Variants in RGS6 observed in about 807,000 individuals in gnomAD.
RGS6 encodes regulator of G-protein signaling 6.
RGS6 carries 30 observed loss-of-function variants against 78.5 expected under a neutral mutation model. The ratio of observed to expected loss-of-function variants is 0.38; its 90% CI spans 0.29 to 0.52. The LOEUF (loss-of-function observed/expected upper bound fraction) is 0.52, where lower values mean the gene tolerates loss of function less well. RGS6 is among the 20% of genes least tolerant of loss of function. The pLI, the probability that RGS6 is intolerant of heterozygous loss-of-function variation, is 0.85. For missense variants in RGS6, 495 were observed against 609.7 expected (o/e 0.81, Z 1.98); for synonymous variants, 206 against 206.0 (o/e 1.00, Z 0.00).
At chr14:72,356,021 T>C (rs1269148618) in intron 3 of RGS6, among the ~76,000 whole-genome samples, 1 of 152,202 alleles carries the variant, frequency 6.6e-6, no homozygotes, top group Non-Finnish European at 1.5e-5. Flanking sequence ...TGGCCTGACA[T>C]GCTCTGACTT....
chr14:72,506,304 A>C (rs1431414249), intron 13 of RGS6, among the ~76,000 whole-genome samples: 1 of 152,256 alleles, frequency 6.6e-6, no homozygotes, highest in Non-Finnish European at 1.5e-5. Context: ...CTACTAGAGA[A>C]TATGTCCCAA....
chr14:72,196,866 G>C (rs1322162112), intron 2 of RGS6, among the ~76,000 whole-genome samples: 2 of 152,220 alleles, frequency 1.3e-5, no homozygotes, highest in East Asian at 3.9e-4. Context: ...TTCATGCTAA[G>C]TGTTGATGGG....
chr14:72,430,905 T>C (rs1222134627), intron 3 of RGS6, among the ~76,000 whole-genome samples: 3 of 152,180 alleles, frequency 2.0e-5, no homozygotes, highest in African/African-American at 4.8e-5. Flanking sequence ...TATTATTTAA[T>C]CCAGGAAACA....
chr14:71,985,185 G>GCAGTGGCA (rs1279184780), intron 2 of RGS6, among the ~76,000 whole-genome samples: 2 of 151,664 alleles, frequency 1.3e-5, no homozygotes, highest in Non-Finnish European at 2.9e-5. Flanking sequence ...GTGCAGTGGT[G>GCAGTGGCA]TGATCTCGGC....
At chr14:72,361,276 T>C (rs910079518) in intron 3 of RGS6, among the ~76,000 whole-genome samples, 1 of 152,266 alleles carries the variant, frequency 6.6e-6, no homozygotes, top group Admixed American at 6.5e-5. Context: ...ACTTAATTGA[T>C]GTTATAGCAA....
the RGS6 span, chr14:72,594,642 G>C: frequency 2.0e-5 from 3 of 152,096 alleles, no homozygotes; most frequent in Non-Finnish European, 2.9e-5. Context: ...TCTTTCACTG[G>C]CTGTGCGAAG....
intron 3 of RGS6, among the ~76,000 whole-genome samples, chr14:72,424,029 C>T (rs2094326587): frequency 6.6e-6 from 1 of 152,178 alleles, no homozygotes; most frequent in South Asian, 2.1e-4. Context: ...GGTGGCATTT[C>T]CTCAGAGGAT....
intron 3 of RGS6, among the ~76,000 whole-genome samples, chr14:72,381,684 A>G (rs1416959491): frequency 2.6e-5 from 4 of 152,146 alleles, no homozygotes; most frequent in Admixed American, 1.3e-4. Flanking sequence ...TCTACAAAAT[A>G]TATTTTAGGA....
intron 2 of RGS6, among the ~76,000 whole-genome samples, chr14:72,305,312 A>G (rs1034707090): frequency 1.3e-5 from 2 of 152,180 alleles, no homozygotes; most frequent in African/African-American, 4.8e-5. Context: ...TTGGGGTTAC[A>G]TATAGATGCA....
At chr14:72,118,158 T>A (rs961408770) in intron 2 of RGS6, among the ~76,000 whole-genome samples, 5 of 146,650 alleles carry the variant, frequency 3.4e-5, no homozygotes, top group East Asian at 2.0e-4. Context: ...CACTGCCATT[T>A]AAAAAAAAAA....
At position 72,175,323 on chromosome 14, in the gene RGS6, C is replaced by G. The variant is rs865965534; in HGVS notation, c.85-176772C>G. Among the ~76,000 whole-genome samples, 3 of 152,290 alleles carry G rather than the reference C, an allele frequency of 2.0e-5. No homozygotes were observed. The Middle Eastern group carries it at 0.01, about 518-fold the overall frequency. ...ATAAGTCAGCAGAGGATACTTTCAG[C>G]ATACTGTGACTTTTAGAATGTTCAG... is the stretch of plus-strand genomic sequence containing the variant. On this transcript the variant is annotated intron_variant, in intron 2 of 17. Transcript: ENST00000553525.
intron 2 of RGS6, among the ~76,000 whole-genome samples, chr14:72,308,744 C>T (rs1337742251): frequency 6.6e-6 from 1 of 152,130 alleles, no homozygotes; most frequent in Non-Finnish European, 1.5e-5. Flanking sequence ...TACATGTATT[C>T]CTATTTGGCA....
chr14:72,616,157 C>T, the RGS6 span, among the ~76,000 whole-genome samples: 1 of 152,186 alleles, frequency 6.6e-6, no homozygotes. Context: ...GCCATGTTTC[C>T]CCACCTTACA....
In RGS6 at chr14:72,551,974, G is replaced by A. The variant is rs189237414; in HGVS notation, c.1423-10443G>A. Among the ~76,000 whole-genome samples the A allele has an allele frequency of 7.2e-5, 11 of 152,330 alleles. No homozygotes were observed. In the East Asian group the frequency reaches 1.2e-3, roughly 16 times the overall value. On this transcript the variant is annotated intron_variant, in intron 17 of 17. Coordinates refer to ENST00000553525, the MANE Select transcript of RGS6 (RefSeq NM_001204424.2). ...GTCCTTAGCACACTGTGTGCAGTGC[G>A]TGTGCTTAACAGGTGTAGCTCTTAG...
At chr14:71,872,615 A>G in the RGS6 span, among the ~76,000 whole-genome samples, 1 of 152,088 alleles carries the variant, frequency 6.6e-6, no homozygotes, top group Non-Finnish European at 1.5e-5. Context: ...AAAACCCAAT[A>G]TCAGTAAGTT....
At position 72,114,876 on chromosome 14, in the gene RGS6, A is replaced by G. The variant is rs184440288; in HGVS notation, c.84+150001A>G. The stretch of plus-strand genomic sequence containing the variant: ...AGTGAGAAAGTGATTATCTTATAGA[A>G]CAAACAAGTATGATAAAGGGAAACA... On this transcript the variant is annotated intron_variant, in intron 2 of 17. Coordinates refer to ENST00000553525, the MANE Select transcript of RGS6 (RefSeq NM_001204424.2). Among the ~76,000 whole-genome samples the G allele has an allele frequency of 1.5e-3, 232 of 152,354 alleles. 1 individual carries two copies. The highest frequency in any genetic ancestry group is 5.5e-3 in the African/African-American group (228 of 41,578).
chr14:72,505,590 A>C (rs2096788506), intron 13 of RGS6, among the ~76,000 whole-genome samples: 1 of 152,228 alleles, frequency 6.6e-6, no homozygotes, highest in Non-Finnish European at 1.5e-5. Flanking sequence ...CCCAAGTCTT[A>C]GTTTAGATAT....
chr14:72,329,354 C>T (rs2074481993), intron 2 of RGS6, among the ~76,000 whole-genome samples: 1 of 152,272 alleles, frequency 6.6e-6, no homozygotes, highest in South Asian at 2.1e-4. Context: ...TCTCCAACCA[C>T]TCCCTGGTGC....
intron 15 of RGS6, among the ~76,000 whole-genome samples, chr14:72,520,170 CTTTTG>C (rs1247299731): frequency 1.3e-5 from 2 of 152,130 alleles, no homozygotes; most frequent in African/African-American, 4.8e-5. Flanking sequence ...AAAAAAGATC[CTTTTG>C]TTTTAATATT....
Sources: gnomAD v4.1 joint callset for allele counts (sites outside exome capture counted in the v4.1 genomes callset) on GRCh38, gnomAD v4.1.1 for gene constraint, MANE v1.5 for transcripts, NCBI Gene and HGNC (gene_info 2026-07-23, HGNC 2026-07-21) for gene names.